CDYL: variants seen among roughly 807,000 people sequenced by gnomAD.
CDYL encodes the protein chromodomain Y-like protein.
A neutral mutation model predicts 47.3 loss-of-function variants in CDYL; 8 were observed. The ratio of observed to expected loss-of-function variants is 0.17; its 90% CI spans 0.10 to 0.31. CDYL has a LOEUF of 0.31. Ranked by LOEUF, CDYL falls within the 10% of genes least tolerant of loss-of-function variation. The pLI is 1.00. For synonymous variants in CDYL, 266 were observed against 265.0 expected (o/e 1.00, Z -0.04); for missense variants, 471 against 701.4 (o/e 0.67, Z 3.71).
At chr6:4,710,379 G>GGAAGGAAGGAAGGAAGGAAGGAAGGAA (rs1757128696) in intron 1 of CDYL, among the ~76,000 whole-genome samples, 4 of 101,162 alleles carry the variant, frequency 4.0e-5, no homozygotes, top group Admixed American at 1.2e-4. Flanking sequence ...GAGGGAGGGA[G>GGAAGGAAGGAAGGAAGGAAGGAAGGAA]GGAAGGAAGG....
chr6:4,728,868 C>A (rs529944998), intron 2 of CDYL, among the ~76,000 whole-genome samples: 1 of 152,298 alleles, frequency 6.6e-6, no homozygotes, highest in African/African-American at 2.4e-5. Flanking sequence ...GACTTCTCTA[C>A]AATCCAGCTT....
intron 1 of CDYL, among the ~76,000 whole-genome samples, chr6:4,863,515 TA>T (rs1761233616): frequency 6.6e-6 from 1 of 152,232 alleles, no homozygotes; most frequent in South Asian, 2.1e-4. Flanking sequence ...AATTAACAGC[TA>T]ACTAGGTATT....
At chr6:4,802,723 T>A (rs1246152013) in intron 1 of CDYL, among the ~76,000 whole-genome samples, 1 of 152,062 alleles carries the variant, frequency 6.6e-6, no homozygotes, top group Non-Finnish European at 1.5e-5. Flanking sequence ...TTATTCAGTT[T>A]ATTTTGTTCT....
intron 3 of CDYL, among the ~76,000 whole-genome samples, chr6:4,755,042 G>T (rs2185005): frequency 0.92 from 138,315 of 150,700 alleles, 63,024 homozygotes; most frequent in Admixed American, 0.94. Context: ...TGTTGTTGTT[G>T]TTTTTTGTTT....
intron 2 of CDYL, among the ~76,000 whole-genome samples, chr6:4,904,857 G>A (rs1027330001): frequency 6.6e-6 from 1 of 152,178 alleles, no homozygotes; most frequent in Non-Finnish European, 1.5e-5. Flanking sequence ...GACTACAGCT[G>A]TGCACTGTGT....
intron 2 of CDYL, among the ~76,000 whole-genome samples, chr6:4,927,576 C>G (rs567312996): frequency 6.6e-6 from 1 of 151,866 alleles, no homozygotes; most frequent in Admixed American, 6.6e-5. Context: ...CCACCACACC[C>G]GACTAATTTT....
At chr6:4,914,166 T>G (rs1757490049) in intron 2 of CDYL, among the ~76,000 whole-genome samples, 1 of 151,994 alleles carries the variant, frequency 6.6e-6, no homozygotes, top group Admixed American at 6.6e-5. Flanking sequence ...GGTGAAGTGT[T>G]TCATGATTTT....
At chr6:4,762,537 G>A (rs1758190033) in intron 3 of CDYL, among the ~76,000 whole-genome samples, 1 of 149,596 alleles carries the variant, frequency 6.7e-6, no homozygotes, top group African/African-American at 2.5e-5. Flanking sequence ...ATCTTATTCA[G>A]GTCAAAGAGA....
chr6:4,798,741 G>A (rs1217951903), intron 1 of CDYL, among the ~76,000 whole-genome samples: 2 of 152,130 alleles, frequency 1.3e-5, no homozygotes. Context: ...TACTGGTTTG[G>A]ATTCTTTCAT....
chr6:4,802,399 G>T (rs780322728), intron 1 of CDYL, among the ~76,000 whole-genome samples: 3 of 152,226 alleles, frequency 2.0e-5, no homozygotes, highest in South Asian at 4.1e-4. Context: ...ACTTAGCTGA[G>T]TGTGATGGCA....
chr6:4,730,547 G>A (rs1757585740), intron 2 of CDYL, among the ~76,000 whole-genome samples: 1 of 151,954 alleles, frequency 6.6e-6, no homozygotes, highest in East Asian at 1.9e-4. Context: ...GCTGGTGCAT[G>A]CCTATAATCC....
intron 2 of CDYL, among the ~76,000 whole-genome samples, chr6:4,915,438 G>GC (rs1757529590): frequency 6.6e-6 from 1 of 152,126 alleles, no homozygotes; most frequent in African/African-American, 2.4e-5. Flanking sequence ...CTGCCTCTTG[G>GC]CCAAGGGGAC....
intron 3 of CDYL, among the ~76,000 whole-genome samples, chr6:4,760,198 G>A (rs1363744830): frequency 1.3e-5 from 2 of 151,806 alleles, no homozygotes; most frequent in African/African-American, 4.8e-5. Context: ...TTTATAGCAG[G>A]AATGCCCCAG....
chr6:4,861,598 A>G (rs1190020661), intron 1 of CDYL, among the ~76,000 whole-genome samples: 1 of 152,238 alleles, frequency 6.6e-6, no homozygotes, highest in African/African-American at 2.4e-5. Flanking sequence ...TATGATGTCT[A>G]AGGCTATGTT....
rs1364500650 is a variant in CDYL, at chr6:4,930,628, G to A, written c.692-4887G>A. ...CAGTGGCAGGTGAAGAAGTACAGAC[G>A]CTGTTCTCTTTAGGTGGGAAGAGGG... On this transcript the variant is annotated intron_variant, in intron 2 of 6. Transcript: ENST00000397588. 2.6e-5 allele frequency among the ~76,000 whole-genome samples: 4 copies of A among 152,200 alleles called. No individual in the cohort carries two copies. In the South Asian group the frequency reaches 6.2e-4, roughly 24 times the overall value.
intron 3 of CDYL, among the ~76,000 whole-genome samples, 163 bp from the exon 4 acceptor site, chr6:4,937,402 G>A (rs149043186): frequency 3.3e-5 from 5 of 152,078 alleles, no homozygotes; most frequent in Admixed American, 6.5e-5. Flanking sequence ...AGGCGGAGGC[G>A]GGAGGATTGT....
chr6:4,774,302 G>A (rs1006239802), upstream of CDYL, among the ~76,000 whole-genome samples: 1 of 152,192 alleles, frequency 6.6e-6, no homozygotes, highest in Non-Finnish European at 1.5e-5. Flanking sequence ...AGCGCTTGCC[G>A]AAGTGTGCAC....
At chr6:4,762,220 C>G (rs1041000056) in intron 3 of CDYL, among the ~76,000 whole-genome samples, 11 of 152,138 alleles carry the variant, frequency 7.2e-5, no homozygotes, top group African/African-American at 2.7e-4. Flanking sequence ...GTAAGCACCC[C>G]TAGAGACTAC....
chr6:4,822,466 C>A (rs1054474596), intron 1 of CDYL, among the ~76,000 whole-genome samples: 1 of 152,084 alleles, frequency 6.6e-6, no homozygotes, highest in African/African-American at 2.4e-5. Context: ...TTTGGAATAA[C>A]CAGCCTGAGA....
Sources: allele counts gnomAD v4.1 joint callset (sites outside exome capture counted in the v4.1 genomes callset), GRCh38; gene constraint gnomAD v4.1.1; transcripts MANE v1.5; gene names NCBI Gene and HGNC (gene_info 2026-07-23, HGNC 2026-07-21).